The following FAM227B variants were observed in gnomAD, a reference collection of about 807,000 sequenced individuals.
The protein encoded by FAM227B is family with sequence similarity 227 member B, also known as protein FAM227B.
In FAM227B, 88 loss-of-function variants were observed where a neutral mutation model predicts 73.8. The observed-to-expected ratio is 1.19, with a 90% CI of 1.00 to 1.42. The LOEUF (loss-of-function observed/expected upper bound fraction) is 1.42, where lower values mean the gene tolerates loss of function less well. Ranked by LOEUF, FAM227B falls within the 40% of genes most tolerant of loss-of-function variation. FAM227B has a pLI of 0.00. For synonymous variants in FAM227B, 210 were observed against 190.5 expected (o/e 1.10, Z -0.84); for missense variants, 632 against 590.9 (o/e 1.07, Z -0.72).
At chr15:49,588,600 TAA>T (rs1491147554) in intron 4 of FAM227B, among the ~76,000 whole-genome samples, 4 of 104,680 alleles carry the variant, frequency 3.8e-5, no homozygotes, top group Non-Finnish European at 6.0e-5. Flanking sequence ...TATATATATA[TAA>T]AATTACCTTT....
intron 11 of FAM227B, among the ~76,000 whole-genome samples, chr15:49,422,917 C>T (rs889881979): frequency 2.6e-5 from 4 of 152,088 alleles, no homozygotes; most frequent in African/African-American, 4.8e-5. Context: ...AAAAGATTTT[C>T]TAAGTATTAA....
intron 11 of FAM227B, among the ~76,000 whole-genome samples, chr15:49,405,980 C>G (rs1202990591): frequency 6.6e-6 from 1 of 152,156 alleles, no homozygotes; most frequent in East Asian, 1.9e-4. Context: ...TAGATTTAAC[C>G]AACTGGCTTC....
chr15:49,373,119 A>G (rs1037222316), intron 11 of FAM227B, among the ~76,000 whole-genome samples: 2 of 152,018 alleles, frequency 1.3e-5, no homozygotes, highest in African/African-American at 4.8e-5. Context: ...CTAGTCTTCT[A>G]TGAACCAGTA....
chr15:49,541,233 TAC>T (rs1457250844), intron 10 of FAM227B, among the ~76,000 whole-genome samples: 2 of 152,094 alleles, frequency 1.3e-5, no homozygotes, highest in African/African-American at 4.8e-5. Flanking sequence ...TTTTCAATCC[TAC>T]CATTTTCACC....
chr15:49,358,856 A>G (rs1465308696), intron 13 of FAM227B, among the ~76,000 whole-genome samples: 4 of 151,602 alleles, frequency 2.6e-5, no homozygotes, highest in Admixed American at 1.3e-4. Flanking sequence ...GGCTACAGTA[A>G]CCAAAACAGC....
At chr15:49,500,780 G>A (rs2058072060) in intron 11 of FAM227B, among the ~76,000 whole-genome samples, 1 of 152,186 alleles carries the variant, frequency 6.6e-6, no homozygotes, top group East Asian at 1.9e-4. Flanking sequence ...CTGGTGGGAG[G>A]TGGCTGGATC....
At chr15:49,492,811 A>C (rs895246438) in intron 11 of FAM227B, among the ~76,000 whole-genome samples, 1 of 151,948 alleles carries the variant, frequency 6.6e-6, no homozygotes, top group Non-Finnish European at 1.5e-5. Flanking sequence ...AATGTGGTTT[A>C]AAAAATTATC....
At chr15:49,342,702 A>G (rs767140140) in intron 13 of FAM227B, among the ~76,000 whole-genome samples, 1 of 152,144 alleles carries the variant, frequency 6.6e-6, no homozygotes, top group African/African-American at 2.4e-5. Context: ...TCCCTTAAAG[A>G]TCTCTTATGA....
intron 5 of FAM227B, among the ~76,000 whole-genome samples, chr15:49,584,626 A>G (rs775879539): frequency 2.6e-5 from 4 of 152,028 alleles, no homozygotes; most frequent in Admixed American, 6.6e-5. Context: ...ATAGTCTCAA[A>G]AGCTCCTTAA....
intron 10 of FAM227B, among the ~76,000 whole-genome samples, chr15:49,536,388 A>G (rs1209517688): frequency 1.3e-5 from 2 of 151,936 alleles, no homozygotes; most frequent in African/African-American, 4.8e-5. Context: ...TGCAGACTGA[A>G]CACTGTAAAA....
intron 13 of FAM227B, among the ~76,000 whole-genome samples, chr15:49,356,114 C>T (rs1488533936): frequency 3.3e-5 from 5 of 152,022 alleles, no homozygotes; most frequent in African/African-American, 7.2e-5. Flanking sequence ...AAGGAACAAC[C>T]GGTACCAGCC....
chr15:49,478,133 GTGT>G (rs1424788703), intron 11 of FAM227B, among the ~76,000 whole-genome samples: 1 of 152,048 alleles, frequency 6.6e-6, no homozygotes, highest in Admixed American at 6.6e-5. Flanking sequence ...TAAGTACCCA[GTGT>G]TTAGCTCCCA....
chr15:49,419,307 G>C (rs556650772), intron 11 of FAM227B, among the ~76,000 whole-genome samples: 62 of 152,258 alleles, frequency 4.1e-4, no homozygotes, highest in African/African-American at 1.5e-3. Flanking sequence ...ATGGGACTCT[G>C]TGATAGCTTC....
intron 5 of FAM227B, among the ~76,000 whole-genome samples, chr15:49,586,637 G>A (rs1012036719): frequency 7.2e-5 from 11 of 152,056 alleles, no homozygotes; most frequent in Admixed American, 3.3e-4. Context: ...TGCAAACTAC[G>A]CATCTTACAA....
chr15:49,428,770 A>T (rs1360152619), intron 11 of FAM227B, among the ~76,000 whole-genome samples: 1 of 152,018 alleles, frequency 6.6e-6, no homozygotes, highest in African/African-American at 2.4e-5. Context: ...ATTTCTTGTC[A>T]TAAATTGCCT....
chr15:49,583,788 T>C (rs937374539), intron 5 of FAM227B, among the ~76,000 whole-genome samples: 2 of 151,964 alleles, frequency 1.3e-5, no homozygotes, highest in African/African-American at 4.8e-5. Context: ...CCTGGACACA[T>C]ATACCCTCCC....
In FAM227B at chr15:49,327,214, C is replaced by CAGAT. The variant is rs1567068584; in HGVS notation, c.*1350_*1353dup. ...TTTATATAGTTGTTGTCATCCCAAT[C>CAGAT]AGATATATCTCATCTGATGTCAACT... On this transcript the variant is annotated 3_prime_UTR_variant, in exon 16 of 16. Coordinates refer to ENST00000299338, the MANE Select transcript of FAM227B (RefSeq NM_152647.3). 1 of 152,198 alleles carries CAGAT rather than the reference C, an allele frequency of 6.6e-6. No homozygotes were observed. Among genetic ancestry groups the CAGAT allele is most frequent in the Non-Finnish European group, 1.5e-5 (1 of 68,040 alleles). 9.4% of individuals were successfully genotyped at this position (152,198 alleles called of 1,614,324 possible).
At chr15:49,561,711 A>C (rs1024948488) in intron 9 of FAM227B, among the ~76,000 whole-genome samples, 2 of 152,160 alleles carry the variant, frequency 1.3e-5, no homozygotes, top group African/African-American at 4.8e-5. Context: ...AAAACCAGAA[A>C]ATCACATGAA....
intron 11 of FAM227B, among the ~76,000 whole-genome samples, chr15:49,504,780 G>A (rs1182434324): frequency 6.6e-6 from 1 of 152,054 alleles, no homozygotes; most frequent in Non-Finnish European, 1.5e-5. Context: ...GCAGAACCAT[G>A]AGCCAATTGA....
Sources: allele counts gnomAD v4.1 joint callset (sites outside exome capture counted in the v4.1 genomes callset), GRCh38; gene constraint gnomAD v4.1.1; transcripts MANE v1.5; gene names NCBI Gene and HGNC (gene_info 2026-07-23, HGNC 2026-07-21).